FAM227B: variants seen among roughly 807,000 people sequenced by gnomAD.
The protein encoded by FAM227B is protein FAM227B.
A neutral mutation model predicts 73.8 loss-of-function variants in FAM227B; 88 were observed. That is an observed-to-expected ratio of 1.19 (90% CI 1.00 to 1.42). The LOEUF (loss-of-function observed/expected upper bound fraction) is 1.42, where lower values mean the gene tolerates loss of function less well. Ranked by LOEUF, FAM227B falls within the 40% of genes most tolerant of loss-of-function variation. The pLI is 0.00. For synonymous variants in FAM227B, 210 were observed against 190.5 expected, an observed-to-expected ratio of 1.10 and a Z score of -0.84; for missense variants, 632 against 590.9, an observed-to-expected ratio of 1.07 and a Z score of -0.72.
intron 11 of FAM227B, among the ~76,000 whole-genome samples, chr15:49,450,892 TG>T (rs2151883587): frequency 6.6e-6 from 1 of 152,194 alleles, no homozygotes; most frequent in Non-Finnish European, 1.5e-5. Flanking sequence ...TGAACCTATT[TG>T]GGAAAAAAAC....
At chr15:49,611,150 C>G in intron 3 of FAM227B, 65 bp downstream of exon 3, 3 of 991,044 alleles carry the variant, frequency 3.0e-6, no homozygotes, top group South Asian at 1.5e-5. Context: ...TCTAAGCCTT[C>G]TAAATCTCCA....
At position 49,424,512 on chromosome 15, in the gene FAM227B, G is replaced by A. The variant is rs1195547010; in HGVS notation, c.1013-53113C>T. On this transcript the variant is annotated intron_variant, in intron 11 of 15. Transcript: ENST00000299338. ...ATAAGAGTGAGAAGACTCTTCTGTC[G>A]AACACAGTGGTACCTGAGGATCGAT... 3.7e-6 allele frequency: 6 copies of A among 1,613,030 alleles called. No homozygotes were observed. Among genetic ancestry groups the A allele is most frequent in the Non-Finnish European group, 4.2e-6 (5 of 1,179,368 alleles).
intron 3 of FAM227B, among the ~76,000 whole-genome samples, chr15:49,593,086 T>A (rs2076678224): frequency 1.3e-5 from 2 of 152,174 alleles, no homozygotes; most frequent in South Asian, 4.1e-4. Context: ...CCAGGTACAG[T>A]CTGTCACGGC....
chr15:49,457,812 G>C (rs1030633468), intron 11 of FAM227B, among the ~76,000 whole-genome samples: 1 of 151,840 alleles, frequency 6.6e-6, no homozygotes, highest in Non-Finnish European at 1.5e-5. Context: ...AATTTTTATA[G>C]TCATCAGTTA....
chr15:49,352,958 T>G (rs982870429), intron 13 of FAM227B, among the ~76,000 whole-genome samples: 2 of 152,188 alleles, frequency 1.3e-5, no homozygotes, highest in Non-Finnish European at 2.9e-5. Context: ...TAGCTTTGCT[T>G]GGTCAACAGG....
At chr15:49,615,351 G>A in intron 1 of FAM227B, 108 bp from the exon 2 acceptor site, 1 of 620,938 alleles carries the variant, frequency 1.6e-6, no homozygotes, top group Admixed American at 2.6e-5. Context: ...CAGATAGTTT[G>A]GCTCTGTATC....
At chr15:49,366,709 T>TGGCGC in intron 13 of FAM227B, 1 of 1,330,292 alleles carries the variant, frequency 7.5e-7, no homozygotes, top group Non-Finnish European at 1.1e-6. Context: ...GCGGGTGGGG[T>TGGCGC]GGCGCGGCGC....
At chr15:49,492,956 C>T (rs144322166) in intron 11 of FAM227B, among the ~76,000 whole-genome samples, 3 of 151,980 alleles carry the variant, frequency 2.0e-5, no homozygotes, top group Admixed American at 6.6e-5. Context: ...ACTAAACTTA[C>T]TGAAACTCCA....
At chr15:49,520,888 C>T (rs1049794282) in intron 10 of FAM227B, among the ~76,000 whole-genome samples, 5 of 152,068 alleles carry the variant, frequency 3.3e-5, no homozygotes, top group African/African-American at 7.2e-5. Context: ...GAGATTGATG[C>T]CTGGAGAACT....
At chr15:49,343,720 C>G (rs1222815785) in intron 13 of FAM227B, 1 of 152,136 alleles carries the variant, frequency 6.6e-6, no homozygotes, top group Non-Finnish European at 1.5e-5. Context: ...GCCAATTTAT[C>G]CACTGGAATT....
intron 11 of FAM227B, chr15:49,422,676 T>A (rs769960355): frequency 3.5e-6 from 4 of 1,137,690 alleles, no homozygotes; most frequent in Non-Finnish European, 5.1e-6. Flanking sequence ...TCATTAGTGG[T>A]CCAACACAAA....
At chr15:49,500,241 T>C (rs1415967941) in intron 11 of FAM227B, among the ~76,000 whole-genome samples, 5 of 152,188 alleles carry the variant, frequency 3.3e-5, no homozygotes, top group Non-Finnish European at 7.3e-5. Context: ...GCATAAAATA[T>C]ATAAAGACCT....
chr15:49,402,414 T>C (rs750866427), intron 11 of FAM227B, among the ~76,000 whole-genome samples: 2 of 152,240 alleles, frequency 1.3e-5, no homozygotes, highest in African/African-American at 2.4e-5. Context: ...TCCATGAGCA[T>C]GGAAGGTTTT....
At chr15:49,502,612 G>A (rs564743574) in intron 11 of FAM227B, among the ~76,000 whole-genome samples, 2 of 152,308 alleles carry the variant, frequency 1.3e-5, no homozygotes, top group South Asian at 4.1e-4. Context: ...GCTCATAGGC[G>A]GAAGAGACTT....
At chr15:49,394,711 T>C (rs963440413) in intron 11 of FAM227B, among the ~76,000 whole-genome samples, 4 of 152,134 alleles carry the variant, frequency 2.6e-5, no homozygotes, top group Non-Finnish European at 5.9e-5. Flanking sequence ...TAAATAACTA[T>C]AATGATTAGC....
At chr15:49,418,976 AAG>A (rs1459680263) in intron 11 of FAM227B, among the ~76,000 whole-genome samples, 1 of 152,150 alleles carries the variant, frequency 6.6e-6, no homozygotes, top group Non-Finnish European at 1.5e-5. Flanking sequence ...GATAGATTTC[AAG>A]AGTTTTATGT....
intron 1 of FAM227B, among the ~76,000 whole-genome samples, chr15:49,618,807 C>T (rs565950000): frequency 1.3e-5 from 2 of 152,264 alleles, no homozygotes; most frequent in African/African-American, 2.4e-5. Context: ...ATTTAAAAGA[C>T]TTGAATTTTC....
intron 9 of FAM227B, among the ~76,000 whole-genome samples, chr15:49,549,287 T>C (rs2072436015): frequency 7.4e-6 from 1 of 134,986 alleles, no homozygotes; most frequent in Admixed American, 7.8e-5. Flanking sequence ...CACGTTTACT[T>C]TCAAATTTTC....
intron 13 of FAM227B, among the ~76,000 whole-genome samples, chr15:49,361,607 C>T (rs8024184): frequency 0.42 from 63,788 of 152,012 alleles, 13,537 homozygotes; most frequent in African/African-American, 0.45. Context: ...ACAGTATTCC[C>T]TGGTGTATAT....
Sources: gnomAD v4.1 joint callset for allele counts (sites outside exome capture counted in the v4.1 genomes callset) on GRCh38, gnomAD v4.1.1 for gene constraint, MANE v1.5 for transcripts, NCBI Gene and HGNC (gene_info 2026-07-23, HGNC 2026-07-21) for gene names.